USP7: variants seen among roughly 807,000 people sequenced by gnomAD.
The protein encoded by USP7 is ubiquitin specific peptidase 7, also known as ubiquitin C-terminal hydrolase 7.
USP7 carries 9 observed loss-of-function variants against 162.9 expected under a neutral mutation model. The ratio of observed to expected loss-of-function variants is 0.06; its 90% CI spans 0.03 to 0.10. The LOEUF is 0.10. Ranked by LOEUF, USP7 falls within the 10% of genes least tolerant of loss-of-function variation. The probability of loss-of-function intolerance (pLI) is 1.00; values close to 1 mark genes in which losing one functional copy is unlikely to be tolerated. For synonymous variants in USP7, 562 were observed against 475.9 expected, an observed-to-expected ratio of 1.18 and a Z score of -2.35; for missense variants, 715 against 1,373.7, an observed-to-expected ratio of 0.52 and a Z score of 7.58.
chr16:8,937,934 GA>G (rs1898841410), intron 1 of USP7, among the ~76,000 whole-genome samples: 1 of 152,062 alleles, frequency 6.6e-6, no homozygotes. Flanking sequence ...ACGTGAGAAG[GA>G]ACTACCATCT....
intron 2 of USP7, among the ~76,000 whole-genome samples, chr16:8,927,800 TA>T (rs1898094530): frequency 6.6e-6 from 1 of 152,168 alleles, no homozygotes; most frequent in African/African-American, 2.4e-5. Context: ...CTTGCCACTG[TA>T]CTCTAGCCTG....
rs2061826709 is a variant in USP7, at chr16:8,904,440, C to T, written c.1699G>A (p.Val567Met). The T allele has an allele frequency of 6.2e-7, 1 of 1,613,912 alleles. No homozygotes were observed. The highest frequency in any genetic ancestry group is 8.5e-7 in the Non-Finnish European group (1 of 1,179,954). The change falls in exon 15 of 31, where the codon GTG becomes ATG. Residue 567 changes from valine (V) to methionine (M), a missense_variant. Val to Met is a conservative substitution (Grantham distance 21). This residue lies in a region of USP7 where 197 missense variants were observed against 306.5 expected (regional missense o/e 0.64). Transcript: ENST00000344836. Reference sequence around the variant, plus strand: ...CCAGAAGGGCGGGGGCTGACCTGCACTTGCATATAGAGATGGGCTTCCTGC... The same window carrying T: ...CCAGAAGGGCGGGGGCTGACCTGCATTTGCATATAGAGATGGGCTTCCTGC... ...ERQEAHLYMQ[V>M]QIVAEDQFCG...
intron 1 of USP7, among the ~76,000 whole-genome samples, chr16:8,960,163 T>C (rs1432211287): frequency 2.6e-5 from 4 of 152,142 alleles, no homozygotes; most frequent in Admixed American, 1.3e-4. Flanking sequence ...CCAAGCAACC[T>C]TATTCCCAGC....
At chr16:8,954,764 C>T (rs190113689) in intron 1 of USP7, among the ~76,000 whole-genome samples, 8 of 152,130 alleles carry the variant, frequency 5.3e-5, no homozygotes, top group East Asian at 1.9e-4. Context: ...ATCAGGAGAT[C>T]GAGACCATCC....
intron 1 of USP7, among the ~76,000 whole-genome samples, chr16:8,952,561 G>A (rs1899603661): frequency 6.6e-6 from 1 of 152,138 alleles, no homozygotes; most frequent in Non-Finnish European, 1.5e-5. Context: ...GTCTTCTCAG[G>A]TCCCCTCACT....
intron 1 of USP7, chr16:8,956,263 A>G (rs1195581956): frequency 6.6e-6 from 1 of 152,166 alleles, no homozygotes; most frequent in Non-Finnish European, 1.5e-5. Flanking sequence ...CCTTCCTTCT[A>G]AATAGTTTTT....
intron 13 of USP7, 85 bp downstream of exon 13, chr16:8,906,341 C>T: frequency 6.7e-7 from 1 of 1,493,074 alleles, no homozygotes; most frequent in East Asian, 2.3e-5. Flanking sequence ...TGACAAGGTT[C>T]CGAGTAGGAA....
intron 25 of USP7, among the ~76,000 whole-genome samples, chr16:8,897,413 G>A (rs933855730): frequency 4.6e-5 from 7 of 151,996 alleles, no homozygotes; most frequent in Admixed American, 2.6e-4. Flanking sequence ...CCAACTCTCA[G>A]CACAATGAGA....
Position 8,897,698 on chromosome 16 carries a change from C to CCAAAAA in USP7, c.2719-600_2719-599insTTTTTG, listed in dbSNP as rs1555461632. ...GCAATATAGTGAGACCCTGTCTCTACAAAAAAAAAAAAAAAAAAAAAAAAA... is the reference window on the plus strand; with the variant it reads ...GCAATATAGTGAGACCCTGTCTCTACCAAAAAAAAAAAAAAAAAAAAAAAAAAAAAA... On this transcript the variant is annotated intron_variant, in intron 25 of 30. Transcript: ENST00000344836. 1.1e-3 allele frequency among the ~76,000 whole-genome samples: 38 copies of CCAAAAA among 35,602 alleles called. 7 individuals carry two copies. Among genetic ancestry groups the CCAAAAA allele is most frequent in the African/African-American group, 4.3e-3 (36 of 8,420 alleles). The allele number at this position is 35,602 out of a possible 152,430, so 23.4% of individuals were successfully genotyped here.
chr16:8,901,677 T>C (rs530179441), intron 18 of USP7, among the ~76,000 whole-genome samples: 1 of 152,366 alleles, frequency 6.6e-6, no homozygotes, highest in East Asian at 1.9e-4. Context: ...GATAAAGTTG[T>C]ACTGGAAGAC....
intron 11 of USP7, among the ~76,000 whole-genome samples, chr16:8,909,972 A>G (rs1006653219): frequency 1.3e-5 from 2 of 152,140 alleles, no homozygotes; most frequent in Non-Finnish European, 2.9e-5. Flanking sequence ...CCTCAGTCCA[A>G]CTGGACTGAC....
intron 12 of USP7, among the ~76,000 whole-genome samples, chr16:8,907,500 A>G (rs2061879112): frequency 6.6e-6 from 1 of 152,238 alleles, no homozygotes; most frequent in Non-Finnish European, 1.5e-5. Context: ...AAAATACTGT[A>G]TTCTAAATCA....
intron 4 of USP7, among the ~76,000 whole-genome samples, 160 bp from the exon 5 acceptor site, chr16:8,920,607 T>TG (rs1253248184): frequency 3.3e-5 from 5 of 152,210 alleles, no homozygotes; most frequent in African/African-American, 1.2e-4. Flanking sequence ...TCAATTTTCT[T>TG]TTAACAGTGG....
intron 1 of USP7, among the ~76,000 whole-genome samples, chr16:8,954,317 A>C (rs1361359604): frequency 6.6e-6 from 1 of 152,232 alleles, no homozygotes; most frequent in Non-Finnish European, 1.5e-5. Flanking sequence ...ATGGAGATTG[A>C]GCCTTAGATA....
intron 1 of USP7, among the ~76,000 whole-genome samples, chr16:8,951,098 C>T (rs1046937978): frequency 2.0e-5 from 3 of 152,284 alleles, no homozygotes; most frequent in South Asian, 2.1e-4. Flanking sequence ...CTACTTTCTT[C>T]GATCAGTGAC....
In USP7 at chr16:8,939,898, A is replaced by G. The variant is rs147681425; in HGVS notation, c.80-9501T>C. On this transcript the variant is annotated intron_variant, in intron 1 of 30. Coordinates refer to ENST00000344836, the MANE Select transcript of USP7 (RefSeq NM_003470.3). ...GCAGATCACGAGGTCAGGAGATTGA[A>G]ACCATCCTGGCTAACACGGTGAAAC... is the stretch of plus-strand genomic sequence containing the variant. Among the ~76,000 whole-genome samples, 323 of 152,252 alleles carry G rather than the reference A, an allele frequency of 2.1e-3. 10 individuals carry two copies. The East Asian group carries it at 0.054, about 25-fold the overall frequency.
chr16:8,924,328 T>G (rs1213862464), intron 2 of USP7, among the ~76,000 whole-genome samples: 1 of 152,248 alleles, frequency 6.6e-6, no homozygotes, highest in African/African-American at 2.4e-5. Flanking sequence ...ATCATGAAAT[T>G]GCCACAGCAA....
Position 8,901,130 on chromosome 16 carries a change from C to G in USP7, c.2140+12G>C. On this transcript the variant is annotated intron_variant, in intron 19 of 30. Transcript: ENST00000344836. ...AAAATCTACTCAGAAGGTAAGTGCA[C>G]GAAGGACTTACGTATTTTACAGGAT... 1.2e-6 allele frequency: 2 copies of G among 1,611,860 alleles called. No individual in the cohort carries two copies. Among genetic ancestry groups the G allele is most frequent in the Non-Finnish European group, 1.7e-6 (2 of 1,177,994 alleles).
chr16:8,937,209 T>C (rs1233105736), intron 1 of USP7, among the ~76,000 whole-genome samples: 56 of 150,602 alleles, frequency 3.7e-4, no homozygotes, highest in Non-Finnish European at 7.4e-5. Flanking sequence ...ACTCTGTCTT[T>C]TTTTAAAAAA....
Sources: allele counts gnomAD v4.1 joint callset (sites outside exome capture counted in the v4.1 genomes callset), GRCh38; gene constraint gnomAD v4.1.1; regional missense constraint gnomAD v4.1.1; transcripts MANE v1.5; gene names NCBI Gene and HGNC (gene_info 2026-07-23, HGNC 2026-07-21).